The following KRT72 variants were observed in gnomAD, a reference collection of about 807,000 sequenced individuals.
The protein encoded by KRT72 is keratin 72, also known as keratin, type II cytoskeletal 72.
Under a neutral mutation model 44.7 loss-of-function variants are expected in KRT72, and 44 were observed. That is an observed-to-expected ratio of 0.98 (90% confidence interval 0.77 to 1.27). The LOEUF (loss-of-function observed/expected upper bound fraction) is 1.27, where lower values mean the gene tolerates loss of function less well. Ranked by LOEUF, KRT72 falls within the 50% of genes most tolerant of loss-of-function variation. The pLI, the probability that KRT72 is intolerant of heterozygous loss-of-function variation, is 0.00. For missense variants in KRT72, 736 were observed against 667.1 expected (o/e 1.10, Z -1.14); for synonymous variants, 302 against 280.4 (o/e 1.08, Z -0.77).
intron 1 of KRT72, 67 bp downstream of exon 1, chr12:52,600,960 G>A: frequency 1.2e-5 from 19 of 1,547,102 alleles, no homozygotes; most frequent in Non-Finnish European, 1.7e-5. Context: ...CAGCTCGCCA[G>A]TGGCAGAGCC....
Position 52,601,061 on chromosome 12 carries a change from G to A in KRT72, c.392C>T (p.Ala131Val), listed in dbSNP as rs1397888281. 5.0e-6 allele frequency: 8 copies of A among 1,612,392 alleles called. No individual in the cohort carries two copies. The highest frequency in any genetic ancestry group is 4.5e-5 in the East Asian group (2 of 44,746). Residue 131 changes from alanine (A) to valine (V), a missense_variant, in exon 1 of 9, where the codon GCG becomes GTG. Coordinates refer to ENST00000293745, the MANE Select transcript of KRT72 (RefSeq NM_080747.3). ...VRAQEREQIK[A>V]LNNKFASFID... ...GAAGGAGGCGAACTTGTTGTTTAGC[G>A]CCTTGATCTGCTCCCGCTCCTGGGC...
rs532523700 is a variant in KRT72 at position 52,598,044 on chromosome 12, C to T, written c.641+854G>A. ...TGCATCTCTAGTTGGGCTCCAGTTC[C>T]CATCTTAATTCCACCTATCTCAGTT... On this transcript the variant is annotated intron_variant, in intron 2 of 8. Coordinates refer to ENST00000293745, the MANE Select transcript of KRT72 (RefSeq NM_080747.3). Among the ~76,000 whole-genome samples the T allele has an allele frequency of 2.0e-5, 3 of 152,286 alleles. No homozygotes were observed. In the South Asian group the frequency reaches 6.2e-4, roughly 32 times the overall value.
At chr12:52,591,417 G>A in intron 5 of KRT72, 47 bp downstream of exon 5, 1 of 1,586,978 alleles carries the variant, frequency 6.3e-7, no homozygotes, top group Non-Finnish European at 8.6e-7. Context: ...TACTGAGAGG[G>A]TGCTAGCTGT....
At chr12:52,597,419 G>A (rs1225219477) in intron 2 of KRT72, among the ~76,000 whole-genome samples, 3 of 152,080 alleles carry the variant, frequency 2.0e-5, no homozygotes, top group Non-Finnish European at 4.4e-5. Context: ...GCAAAAACCT[G>A]GCATGAGGAC....
rs978043756 is a variant in KRT72 at position 52,600,963 on chromosome 12, G to A, written c.426+64C>T. On this transcript the variant is annotated intron_variant, in intron 1 of 8. Coordinates refer to ENST00000293745, the MANE Select transcript of KRT72 (RefSeq NM_080747.3). ...CACGCTCCCACACAGCTCGCCAGTG[G>A]CAGAGCCAGCACCACTGTGCACATG... is the stretch of plus-strand genomic sequence containing the variant. 4.5e-6 allele frequency: 7 copies of A among 1,554,490 alleles called. No homozygotes were observed. The East Asian group carries it at 1.6e-4, about 35-fold the overall frequency.
chr12:52,599,115 G>A lies in KRT72; in HGVS notation c.427-3C>T, dbSNP rs771891338. On this transcript the variant is annotated splice_polypyrimidine_tract_variant and splice_region_variant and intron_variant, in intron 1 of 8. Transcript: ENST00000293745. ...TTCTGCTGCTCCAGGAACCGCACCTGGAACCCAAAGGCAGTCATCGCCCAG... is the reference window on the plus strand; with the variant it reads ...TTCTGCTGCTCCAGGAACCGCACCTAGAACCCAAAGGCAGTCATCGCCCAG... The A allele has an allele frequency of 2.5e-6, 4 of 1,613,804 alleles. No homozygotes were observed. The South Asian group carries it at 3.3e-5, about 13-fold the overall frequency.
intron 7 of KRT72, 82 bp from the exon 8 acceptor site, chr12:52,587,062 T>C: frequency 7.5e-7 from 1 of 1,328,728 alleles, no homozygotes. Flanking sequence ...TGAATAAGCC[T>C]CTCCACGCAG....
intron 6 of KRT72, among the ~76,000 whole-genome samples, chr12:52,589,001 AAT>A (rs71092771): frequency 0.77 from 115,458 of 149,174 alleles, 45,064 homozygotes; most frequent in African/African-American, 0.88. Flanking sequence ...ATCCATCTCA[AAT>A]ATATATATAT....
rs140936315 is a variant in KRT72 at position 52,586,971 on chromosome 12, G to C, written c.1320C>G (p.Gly440=). The C allele has an allele frequency of 6.2e-7, 1 of 1,613,798 alleles. No homozygotes were observed. Among genetic ancestry groups the C allele is most frequent in the South Asian group, 1.1e-5 (1 of 91,062 alleles). ...LLESEECRMS[G]EYPNSVSISV... ...AGATGCTCACAGAATTTGGATATTCGCCAGACATCCTGAAGAAGGAGAAGA... is the reference window on the plus strand; with the variant it reads ...AGATGCTCACAGAATTTGGATATTCCCCAGACATCCTGAAGAAGGAGAAGA... Residue 440 remains glycine (G), a synonymous_variant, in exon 8 of 9, where the codon GGC becomes GGG. Transcript: ENST00000293745.
intron 4 of KRT72, 114 bp from the exon 5 acceptor site, chr12:52,591,742 A>T: frequency 9.5e-7 from 1 of 1,051,094 alleles, no homozygotes; most frequent in South Asian, 1.6e-5. Context: ...CAGCGTTTGA[A>T]CTCTGCCTCA....
Position 52,601,039 on chromosome 12 carries a change from G to A in KRT72, c.414C>T (p.Ser138=). 6.2e-7 allele frequency: 1 copy of A among 1,611,942 alleles called. No homozygotes were observed. The highest frequency in any genetic ancestry group is 1.1e-5 in the South Asian group (1 of 90,752). ...CCCGAGGACTCACCTTGTCGATGAA[G>A]GAGGCGAACTTGTTGTTTAGCGCCT... is the stretch of plus-strand genomic sequence containing the variant. ...QIKALNNKFA[S]FIDKVRFLEQ... Residue 138 remains serine, a synonymous_variant, in exon 1 of 9, where the codon TCC becomes TCT. Transcript: ENST00000293745.
intron 4 of KRT72, 103 bp downstream of exon 4, chr12:52,592,293 C>T (rs1592227015): frequency 1.2e-6 from 1 of 804,378 alleles, no homozygotes; most frequent in East Asian, 2.6e-5. Flanking sequence ...AGGTTGAAAG[C>T]TTTCTCCCTC....
At position 52,591,548 on chromosome 12, in the gene KRT72, G is replaced by A. The variant is rs1227736532; in HGVS notation, c.879C>T (p.Asp293=). 1 of 1,614,052 alleles carries A rather than the reference G, an allele frequency of 6.2e-7. No homozygotes were observed. The highest frequency in any genetic ancestry group is 8.5e-7 in the Non-Finnish European group (1 of 1,179,926). ...SMDNNRDLDL[D]SIIAEVRAQY... ...GGGCACGGACCTCGGCAATGATGCT[G>A]TCCAGGTCCAGATCCCGGTTGTTGT... Residue 293 remains aspartate, a synonymous_variant, in exon 5 of 9, where the codon GAC becomes GAT. Transcript: ENST00000293745.
chr12:52,596,263 T>C (rs1940222379), intron 2 of KRT72, among the ~76,000 whole-genome samples: 1 of 152,132 alleles, frequency 6.6e-6, no homozygotes, highest in South Asian at 2.1e-4. Flanking sequence ...AATCTACTTC[T>C]ATAATTAAAG....
chr12:52,592,537 C>T, intron 3 of KRT72, 46 bp from the exon 4 acceptor site: 1 of 1,358,562 alleles, frequency 7.4e-7, no homozygotes. Context: ...GCCTCCCCTG[C>T]CCATCCCTCC....
intron 8 of KRT72, 32 bp from the exon 9 acceptor site, chr12:52,586,204 G>C (rs377729956): frequency 6.3e-7 from 1 of 1,591,080 alleles, no homozygotes; most frequent in East Asian, 2.2e-5. Context: ...CTCAGCCCCC[G>C]TCAGCTCTAG....
At position 52,592,911 on chromosome 12, in the gene KRT72, T is replaced by C; in HGVS notation, c.683A>G (p.Glu228Gly). The change falls in exon 3 of 9, where the codon GAG (glutamate) becomes GGG (glycine). Residue 228 changes from glutamate to glycine, a missense_variant. Coordinates refer to ENST00000293745, the MANE Select transcript of KRT72 (RefSeq NM_080747.3). ...EINRRTAAEN[E>G]FVVLKKDVDA... ...TCTTACCTTCTTGAGCACCACAAAC[T>C]CATTCTCAGCAGCTGTGCGTCTGTT... is the stretch of plus-strand genomic sequence containing the variant. 6.2e-7 allele frequency: 1 copy of C among 1,613,766 alleles called. No individual in the cohort carries two copies. Among genetic ancestry groups the C allele is most frequent in the Non-Finnish European group, 8.5e-7 (1 of 1,179,874 alleles).
chr12:52,593,073 GGGGCACACATAACCTTGCTTAAGA>G (rs1413096181), intron 2 of KRT72, 121 bp from the exon 3 acceptor site: 1 of 770,408 alleles, frequency 1.3e-6, no homozygotes, highest in African/African-American at 1.8e-5. Context: ...CCATACCCCT[GGGGCACACATAACCTTGCTTAAGA>G]GGATGCAGGC....
At chr12:52,601,488 A>G (rs1008411595), upstream of KRT72, 4 of 1,528,596 alleles carry the variant, frequency 2.6e-6, no homozygotes, top group Middle Eastern at 5.6e-4. Flanking sequence ...CGCGGGAGGC[A>G]GAAGGGGCGC....
Sources: allele counts gnomAD v4.1 joint callset (sites outside exome capture counted in the v4.1 genomes callset), GRCh38; gene constraint gnomAD v4.1.1; transcripts MANE v1.5; gene names NCBI Gene and HGNC (gene_info 2026-07-23, HGNC 2026-07-21).